Variants in RNF220 observed in about 807,000 individuals in gnomAD.
RNF220 encodes ring finger protein 220.
Under a neutral mutation model 67.1 loss-of-function variants are expected in RNF220, and 7 were observed. That is an observed-to-expected ratio of 0.10 (90% CI 0.06 to 0.20). The LOEUF is 0.20. RNF220 is among the 10% of genes least tolerant of loss of function. The probability of loss-of-function intolerance (pLI) is 1.00; values close to 1 mark genes in which losing one functional copy is unlikely to be tolerated. For missense variants in RNF220, 565 were observed against 740.3 expected (o/e 0.76, Z 2.75); for synonymous variants, 270 against 283.2 (o/e 0.95, Z 0.47).
intron 2 of RNF220, among the ~76,000 whole-genome samples, chr1:44,569,900 G>T (rs554998419): frequency 6.6e-6 from 1 of 152,306 alleles, no homozygotes; most frequent in Admixed American, 6.5e-5. Context: ...TCTGAAAGGG[G>T]TAGCAGGCCT....
At chr1:44,585,127 T>C (rs942137685) in intron 2 of RNF220, among the ~76,000 whole-genome samples, 1 of 152,210 alleles carries the variant, frequency 6.6e-6, no homozygotes, top group African/African-American at 2.4e-5. Context: ...TATTAAGATG[T>C]CATCTCCCGT....
At chr1:44,428,723 T>C (rs1313503000) in intron 2 of RNF220, among the ~76,000 whole-genome samples, 1 of 152,188 alleles carries the variant, frequency 6.6e-6, no homozygotes, top group East Asian at 1.9e-4. Context: ...ATCACTTTTC[T>C]TTAGCAGCAT....
At chr1:44,574,958 A>G (rs1315944134) in intron 2 of RNF220, among the ~76,000 whole-genome samples, 1 of 152,182 alleles carries the variant, frequency 6.6e-6, no homozygotes. Context: ...CAATTACCAA[A>G]TCAGGGTATT....
chr1:44,441,881 A>G (rs954557172), intron 2 of RNF220, among the ~76,000 whole-genome samples: 1 of 152,184 alleles, frequency 6.6e-6, no homozygotes, highest in African/African-American at 2.4e-5. Context: ...TCTTATGGGG[A>G]ACACAGATAT....
intron 2 of RNF220, among the ~76,000 whole-genome samples, chr1:44,535,484 T>G (rs1237517039): frequency 6.6e-6 from 1 of 152,156 alleles, no homozygotes; most frequent in Non-Finnish European, 1.5e-5. Context: ...CCCACTGATG[T>G]TCCTTGCCTT....
At chr1:44,633,534 C>T (rs1476038566) in intron 6 of RNF220, among the ~76,000 whole-genome samples, 1 of 152,206 alleles carries the variant, frequency 6.6e-6, no homozygotes, top group African/African-American at 2.4e-5. Flanking sequence ...AACCTGCCTT[C>T]CTTCTCTGAG....
chr1:44,596,744 C>A (rs1325298418), intron 2 of RNF220, among the ~76,000 whole-genome samples: 2 of 152,180 alleles, frequency 1.3e-5, no homozygotes, highest in Non-Finnish European at 2.9e-5. Context: ...GAGAGAAGGG[C>A]CTCTTTCTAG....
At chr1:44,416,521 T>C (rs1176397775) in intron 2 of RNF220, among the ~76,000 whole-genome samples, 2 of 152,244 alleles carry the variant, frequency 1.3e-5, no homozygotes, top group Admixed American at 6.5e-5. Flanking sequence ...AGGCTGCCCC[T>C]GTGCCCAGAT....
intron 2 of RNF220, among the ~76,000 whole-genome samples, chr1:44,539,077 C>A (rs1346228350): frequency 6.6e-6 from 1 of 151,524 alleles, no homozygotes; most frequent in South Asian, 2.1e-4. Context: ...AAAAATTAGC[C>A]AGGCATGGTT....
intron 2 of RNF220, among the ~76,000 whole-genome samples, chr1:44,488,736 T>C (rs1305193125): frequency 1.4e-5 from 2 of 143,378 alleles, no homozygotes; most frequent in Non-Finnish European, 3.1e-5. Flanking sequence ...TCTTTTTTTT[T>C]TTTTTTTTTT....
At chr1:44,501,307 T>C (rs1657851056) in intron 2 of RNF220, among the ~76,000 whole-genome samples, 1 of 151,376 alleles carries the variant, frequency 6.6e-6, no homozygotes, top group Admixed American at 6.6e-5. Context: ...TTTTTGAATT[T>C]CAATCAGGTT....
chr1:44,604,771 T>C (rs977463995), intron 2 of RNF220, among the ~76,000 whole-genome samples: 1 of 152,234 alleles, frequency 6.6e-6, no homozygotes, highest in African/African-American at 2.4e-5. Context: ...ATAGCATGCA[T>C]CACCATAGGA....
chr1:44,482,509 A>G (rs1054072427), intron 2 of RNF220, among the ~76,000 whole-genome samples: 2 of 152,244 alleles, frequency 1.3e-5, no homozygotes, highest in African/African-American at 4.8e-5. Context: ...GGAGCTAGAA[A>G]TCTTTCTGTA....
chr1:44,569,959 C>T (rs1664315303), intron 2 of RNF220, among the ~76,000 whole-genome samples: 1 of 152,140 alleles, frequency 6.6e-6, no homozygotes, highest in African/African-American at 2.4e-5. Flanking sequence ...GTGCTGTGAG[C>T]TCCTAGAAGA....
chr1:44,535,112 G>A (rs569332499), intron 2 of RNF220, among the ~76,000 whole-genome samples: 260 of 151,720 alleles, frequency 1.7e-3, no homozygotes, highest in Non-Finnish European at 2.2e-3. Flanking sequence ...TGTGTGAGGA[G>A]GGGCTTCAGG....
At chr1:44,641,639 T>G (rs1444695248) in intron 8 of RNF220, among the ~76,000 whole-genome samples, 1 of 152,256 alleles carries the variant, frequency 6.6e-6, no homozygotes, top group South Asian at 2.1e-4. Flanking sequence ...TTCTTTTTAT[T>G]ATGATTCTGC....
intron 2 of RNF220, among the ~76,000 whole-genome samples, chr1:44,448,497 C>G (rs1409924061): frequency 2.0e-5 from 3 of 152,174 alleles, no homozygotes; most frequent in Non-Finnish European, 2.9e-5. Context: ...CCTGCTGCTC[C>G]AAGCTGCAAC....
intron 2 of RNF220, among the ~76,000 whole-genome samples, chr1:44,421,755 A>G (rs544485825): frequency 2.6e-5 from 4 of 152,252 alleles, no homozygotes; most frequent in African/African-American, 7.2e-5. Context: ...AAAAAGCCCC[A>G]TGGGACTTGG....
At chr1:44,525,686 C>T (rs910698196) in intron 2 of RNF220, among the ~76,000 whole-genome samples, 3 of 152,180 alleles carry the variant, frequency 2.0e-5, no homozygotes, top group African/African-American at 7.2e-5. Flanking sequence ...CGTTGGCACT[C>T]AGTATCTCCC....
Sources: gnomAD v4.1 joint callset for allele counts (sites outside exome capture counted in the v4.1 genomes callset) on GRCh38, gnomAD v4.1.1 for gene constraint, MANE v1.5 for transcripts, NCBI Gene and HGNC (gene_info 2026-07-23, HGNC 2026-07-21) for gene names.